Variants in PP2D1 observed in about 807,000 individuals in gnomAD.
The protein encoded by PP2D1 is protein phosphatase 2C-like domain-containing protein 1.
PP2D1 carries 25 observed loss-of-function variants against 30.2 expected under a neutral mutation model. The ratio of observed to expected loss-of-function variants is 0.83; its 90% CI spans 0.60 to 1.16. The LOEUF is 1.16. Among genes scored for constraint, PP2D1 ranks in the 50% most tolerant of loss-of-function variants. PP2D1 has a pLI of 0.00. For missense variants in PP2D1, 760 were observed against 742.4 expected (o/e 1.02, Z -0.28); for synonymous variants, 260 against 258.9 (o/e 1.00, Z -0.04).
At position 20,002,088 on chromosome 3, in the gene PP2D1, C is replaced by CAAAAG; in HGVS notation, c.31_32insCTTTT (p.Trp11SerfsTer10). On this transcript the variant is annotated frameshift_variant, in exon 2 of 3. Coordinates refer to ENST00000389050, the MANE Select transcript of PP2D1 (RefSeq NM_001252657.2). LOFTEE classifies it high-confidence loss of function. ...TTTCATATTCCATTCTCTTGATTTC[C>CAAAAG]AAAACACTCTGCAAACAGGATGAAA... The CAAAAG allele has an allele frequency of 6.6e-7, 1 of 1,526,472 alleles. No individual in the cohort carries two copies. The highest frequency in any genetic ancestry group is 8.8e-7 in the Non-Finnish European group (1 of 1,138,852). The allele number at this position is 1,526,472 out of a possible 1,614,324, so 94.6% of individuals were successfully genotyped here.
At chr3:19,994,957 C>G (rs1036413660) in intron 2 of PP2D1, among the ~76,000 whole-genome samples, 1 of 152,188 alleles carries the variant, frequency 6.6e-6, no homozygotes, top group Non-Finnish European at 1.5e-5. Flanking sequence ...AGAATAATTC[C>G]TGTTCCAACC....
In PP2D1 at chr3:19,985,684, G is replaced by A; in HGVS notation, c.1589C>T (p.Ser530Phe). The change falls in exon 3 of 3, where the codon TCC becomes TTC. Residue 530 changes from serine (S) to phenylalanine (F), a missense_variant. Ser to Phe is a radical substitution (Grantham distance 155). Transcript: ENST00000389050. ...GTTTGAATCGGATAAATTTTCTTTGGAATTTGTAGTTGACACACGTACTTC... is the reference window on the plus strand; with the variant it reads ...GTTTGAATCGGATAAATTTTCTTTGAAATTTGTAGTTGACACACGTACTTC... The part of the protein sequence containing the change: ...VSEVRVSTTN[S>F]KENLSDSNYS... The A allele has an allele frequency of 6.5e-7, 1 of 1,535,786 alleles. No individual in the cohort carries two copies. The highest frequency in any genetic ancestry group is 8.7e-7 in the Non-Finnish European group (1 of 1,146,668).
chr3:19,985,558 G>T lies in PP2D1; in HGVS notation c.1715C>A (p.Thr572Asn), dbSNP rs759365326. Residue 572 changes from threonine (T) to asparagine (N), a missense_variant, in exon 3 of 3, where the codon ACT becomes AAT. Thr to Asn is a moderately conservative substitution (Grantham distance 65, BLOSUM62 0). This residue lies in a region of PP2D1 where 369 missense variants were observed against 316.2 expected (regional missense o/e 1.17). Transcript: ENST00000389050. ...PCSEKVTDRPTSVNDVATNEK... is the reference protein window; with the variant it reads ...PCSEKVTDRPNSVNDVATNEK... Reference sequence around the variant, plus strand: ...ATTTGTTGCCACATCATTTACACTAGTTGGTCTGTCAGTTACTTTTTCACT... The same window carrying T: ...ATTTGTTGCCACATCATTTACACTATTTGGTCTGTCAGTTACTTTTTCACT... 1 of 1,535,936 alleles carries T rather than the reference G, an allele frequency of 6.5e-7. No individual in the cohort carries two copies. The highest frequency in any genetic ancestry group is 2.4e-5 in the East Asian group (1 of 40,926).
chr3:19,981,044 C>T (rs1244320334), downstream of PP2D1, among the ~76,000 whole-genome samples: 2 of 152,108 alleles, frequency 1.3e-5, no homozygotes, highest in Admixed American at 1.3e-4. Flanking sequence ...AGAGTCTTAC[C>T]ATAGTGGTCT....
intron 2 of PP2D1, 83 bp downstream of exon 2, chr3:20,000,946 TA>T: frequency 1.4e-6 from 1 of 692,798 alleles, no homozygotes; most frequent in Non-Finnish European, 2.1e-6. Flanking sequence ...TAATAGACAA[TA>T]AAAAATTGTG....
chr3:20,001,269 T>C lies in PP2D1; in HGVS notation c.851A>G (p.Lys284Arg). The C allele has an allele frequency of 6.5e-7, 1 of 1,536,188 alleles. No homozygotes were observed. Among genetic ancestry groups the C allele is most frequent in the Non-Finnish European group, 8.7e-7 (1 of 1,146,908 alleles). The change falls in exon 2 of 3, where the codon AAA becomes AGA. Residue 284 changes from lysine (K) to arginine (R), a missense_variant. Lys to Arg is a conservative substitution (Grantham distance 26, BLOSUM62 2). Coordinates refer to ENST00000389050, the MANE Select transcript of PP2D1 (RefSeq NM_001252657.2). The stretch of plus-strand genomic sequence containing the variant: ...TCTCCAAAATGCTTTTGCAAAGGCT[T>C]TGTGTGTGTCCTCATACTCACACCT... Reference protein sequence around the residue: ...AVRCEYEDTHKAFAKAFWRMD... With the variant: ...AVRCEYEDTHRAFAKAFWRMD...
At chr3:19,983,914 C>G (rs1364179833), downstream of PP2D1, 3 of 839,116 alleles carry the variant, frequency 3.6e-6, no homozygotes, top group East Asian at 8.1e-5. Flanking sequence ...AGTATGACTT[C>G]CAAAAGAAGA....
chr3:19,987,521 GT>G, intron 2 of PP2D1, among the ~76,000 whole-genome samples: 1 of 152,092 alleles, frequency 6.6e-6, no homozygotes, highest in Non-Finnish European at 1.5e-5. Context: ...GAATATTCTG[GT>G]TTTAAATATG....
intron 2 of PP2D1, among the ~76,000 whole-genome samples, chr3:19,986,400 T>G (rs1697035424): frequency 6.6e-6 from 1 of 152,206 alleles, no homozygotes; most frequent in Non-Finnish European, 1.5e-5. Flanking sequence ...TTAAGCAGCT[T>G]TTAGTGTTTA....
At chr3:19,983,759 G>C (rs1285345308), downstream of PP2D1, 18 of 1,612,502 alleles carry the variant, frequency 1.1e-5, no homozygotes, top group Non-Finnish European at 1.5e-5. Flanking sequence ...AATTCTGCCA[G>C]AGGAAGAGGA....
downstream of PP2D1, chr3:19,983,813 G>A: frequency 6.3e-7 from 1 of 1,597,192 alleles, no homozygotes; most frequent in Non-Finnish European, 8.6e-7. Context: ...AATCAGTGTT[G>A]TAGTAACTAA....
intron 1 of PP2D1, among the ~76,000 whole-genome samples, 199 bp downstream of exon 1, chr3:20,011,851 G>T (rs1246510344): frequency 6.6e-6 from 1 of 151,800 alleles, no homozygotes; most frequent in Non-Finnish European, 1.5e-5. Context: ...TAACTATAAA[G>T]ACATCAGAAT....
chr3:19,987,450 T>A (rs1235058601), intron 2 of PP2D1, among the ~76,000 whole-genome samples: 5 of 152,226 alleles, frequency 3.3e-5, no homozygotes, highest in Admixed American at 3.3e-4. Context: ...GTTAATGATA[T>A]TTGAATATTA....
intron 2 of PP2D1, among the ~76,000 whole-genome samples, chr3:19,989,918 T>TA (rs1051407755): frequency 6.6e-6 from 1 of 152,136 alleles, no homozygotes; most frequent in African/African-American, 2.4e-5. Flanking sequence ...AATATGTACT[T>TA]ACAATGGAAG....
chr3:20,004,109 G>A (rs1697288327), intron 1 of PP2D1, among the ~76,000 whole-genome samples: 1 of 152,118 alleles, frequency 6.6e-6, no homozygotes, highest in Non-Finnish European at 1.5e-5. Flanking sequence ...AGTCCTGCAA[G>A]CTTTATTCAT....
rs1327720831 is a variant in PP2D1 at position 20,002,023 on chromosome 3, G to A, written c.97C>T (p.Pro33Ser). 7 of 1,535,530 alleles carry A rather than the reference G, an allele frequency of 4.6e-6. No homozygotes were observed. Among genetic ancestry groups the A allele is most frequent in the Admixed American group, 3.9e-5 (2 of 50,950 alleles). ...TTCTTTCTAAAACGTTTTCTTTTGGGTAAAAGTAGAATATCCTCATCTGAA... is the reference window on the plus strand; with the variant it reads ...TTCTTTCTAAAACGTTTTCTTTTGGATAAAAGTAGAATATCCTCATCTGAA... ...FDSDEDILLL[P>S]KRKRFRKKKS... Residue 33 changes from proline to serine, a missense_variant, in exon 2 of 3, where the codon CCC becomes TCC. Pro to Ser is a moderately conservative substitution (Grantham distance 74). Coordinates refer to ENST00000389050, the MANE Select transcript of PP2D1 (RefSeq NM_001252657.2).
intron 1 of PP2D1, among the ~76,000 whole-genome samples, chr3:20,003,712 C>G (rs1162827851): frequency 6.6e-6 from 1 of 151,890 alleles, no homozygotes; most frequent in Non-Finnish European, 1.5e-5. Context: ...GATGGCGCCA[C>G]TGCACTCCAG....
At chr3:20,011,671 C>T (rs761921108) in intron 1 of PP2D1, among the ~76,000 whole-genome samples, 35 of 151,864 alleles carry the variant, frequency 2.3e-4, no homozygotes, top group South Asian at 4.2e-4. Flanking sequence ...TGGTGGCAGC[C>T]GCCTGCAGTC....
chr3:19,997,234 G>A (rs1178976668), intron 2 of PP2D1, among the ~76,000 whole-genome samples: 1 of 149,698 alleles, frequency 6.7e-6, no homozygotes, highest in Non-Finnish European at 1.5e-5. Context: ...TTGTAATACA[G>A]CAAGCATTAA....
Sources: gnomAD v4.1 joint callset for allele counts (sites outside exome capture counted in the v4.1 genomes callset) on GRCh38, gnomAD v4.1.1 for gene constraint, gnomAD v4.1.1 regional missense constraint, MANE v1.5 for transcripts, NCBI Gene and HGNC (gene_info 2026-07-23, HGNC 2026-07-21) for gene names.